TNFRSF13B: variants seen among roughly 807,000 people sequenced by gnomAD.
TNFRSF13B encodes the protein TNF receptor superfamily member 13B.
A neutral mutation model predicts 24.0 loss-of-function variants in TNFRSF13B; 34 were observed. The ratio of observed to expected loss-of-function variants is 1.41; its 90% confidence interval spans 1.08 to 1.88. TNFRSF13B has a LOEUF of 1.88. Among genes scored for constraint, TNFRSF13B ranks in the 40% most tolerant of loss-of-function variants. The pLI is 0.00. For synonymous variants in TNFRSF13B, 173 were observed against 150.3 expected (o/e 1.15, Z -1.10); for missense variants, 415 against 380.8 (o/e 1.09, Z -0.75).
chr17:16,955,801 A>G (rs1465020358), intron 1 of TNFRSF13B, among the ~76,000 whole-genome samples: 1 of 152,240 alleles, frequency 6.6e-6, no homozygotes, highest in Non-Finnish European at 1.5e-5. Flanking sequence ...CTATTTGGGA[A>G]CTGTGGAGTT....
At chr17:16,963,966 G>A (rs2087681583) in intron 1 of TNFRSF13B, among the ~76,000 whole-genome samples, 1 of 152,182 alleles carries the variant, frequency 6.6e-6, no homozygotes, top group East Asian at 1.9e-4. Context: ...GATAGGGTGT[G>A]TGCCCCGATA....
chr17:16,954,874 C>T (rs1253982166), intron 1 of TNFRSF13B, among the ~76,000 whole-genome samples: 2 of 152,198 alleles, frequency 1.3e-5, no homozygotes, highest in African/African-American at 4.8e-5. Flanking sequence ...TCCTTCCTGG[C>T]AACAGGGGAA....
chr17:16,946,449 T>C (rs913177087), intron 3 of TNFRSF13B, among the ~76,000 whole-genome samples: 1 of 152,212 alleles, frequency 6.6e-6, no homozygotes, highest in Non-Finnish European at 1.5e-5. Flanking sequence ...AATTAGATCA[T>C]TTCTGATGCC....
intron 1 of TNFRSF13B, 107 bp from the exon 2 acceptor site, chr17:16,952,690 C>G: frequency 6.5e-7 from 1 of 1,534,706 alleles, no homozygotes; most frequent in Non-Finnish European, 8.9e-7. Flanking sequence ...CACAGACAAC[C>G]TTTCTGTCTG....
chr17:16,947,196 A>G (rs903816987), intron 3 of TNFRSF13B, among the ~76,000 whole-genome samples: 10 of 152,258 alleles, frequency 6.6e-5, no homozygotes, highest in African/African-American at 1.9e-4. Flanking sequence ...CCTGAGGAAC[A>G]TAGATGCAAG....
chr17:16,946,123 G>A (rs948448849), intron 3 of TNFRSF13B, among the ~76,000 whole-genome samples: 2 of 152,238 alleles, frequency 1.3e-5, no homozygotes, highest in Admixed American at 6.5e-5. Context: ...TTAGGCAGCA[G>A]CAGCTAACTG....
intron 1 of TNFRSF13B, among the ~76,000 whole-genome samples, chr17:16,968,996 A>T (rs1218389953): frequency 6.6e-6 from 1 of 152,256 alleles, no homozygotes; most frequent in East Asian, 1.9e-4. Flanking sequence ...AACCACAGTG[A>T]GATACCACCT....
chr17:16,939,846 G>A, intron 4 of TNFRSF13B, 49 bp from the exon 5 acceptor site: 1 of 1,576,670 alleles, frequency 6.3e-7, no homozygotes, highest in Non-Finnish European at 8.6e-7. Flanking sequence ...CCCTGCACTA[G>A]GGTAGGGGTG....
At chr17:16,967,172 A>G (rs879415857) in intron 1 of TNFRSF13B, among the ~76,000 whole-genome samples, 8 of 152,028 alleles carry the variant, frequency 5.3e-5, no homozygotes, top group Non-Finnish European at 1.2e-4. Flanking sequence ...CAGAAGATTA[A>G]AAGTAACCCA....
chr17:16,953,720 C>T (rs1303855513), intron 1 of TNFRSF13B, among the ~76,000 whole-genome samples: 1 of 152,196 alleles, frequency 6.6e-6, no homozygotes, highest in African/African-American at 2.4e-5. Flanking sequence ...TTGCTTCCCC[C>T]AATAACTTCT....
chr17:16,969,178 A>G (rs2087726389), intron 1 of TNFRSF13B, among the ~76,000 whole-genome samples: 2 of 152,260 alleles, frequency 1.3e-5, no homozygotes, highest in Admixed American at 1.3e-4. Flanking sequence ...CATATGACCC[A>G]GCAATTCCAC....
chr17:16,939,443 C>T lies in TNFRSF13B; in HGVS notation c.*104G>A. 7.4e-7 allele frequency: 1 copy of T among 1,360,126 alleles called. No individual in the cohort carries two copies. The highest frequency in any genetic ancestry group is 9.9e-7 in the Non-Finnish European group (1 of 1,005,550). The allele number at this position is 1,360,126 out of a possible 1,614,324, so 84.3% of individuals were successfully genotyped here. On this transcript the variant is annotated 3_prime_UTR_variant, in exon 5 of 5. Transcript: ENST00000261652. Reference sequence around the variant, plus strand: ...CTCTGTTTCTCTCCCTCTCTGCCTCCTCTGTCTCTCTCTCCTCATATCTCT... The same window carrying T: ...CTCTGTTTCTCTCCCTCTCTGCCTCTTCTGTCTCTCTCTCCTCATATCTCT...
chr17:16,948,652 G>T, intron 3 of TNFRSF13B, 86 bp downstream of exon 3: 2 of 1,590,636 alleles, frequency 1.3e-6, no homozygotes, highest in Non-Finnish European at 1.7e-6. Flanking sequence ...ATGCATTGTG[G>T]ACTCTCCTGT....
At chr17:16,942,321 G>A (rs1041979883) in intron 3 of TNFRSF13B, among the ~76,000 whole-genome samples, 1 of 152,182 alleles carries the variant, frequency 6.6e-6, no homozygotes, top group Non-Finnish European at 1.5e-5. Flanking sequence ...GGGCCACACA[G>A]CGGCCCCAGG....
intron 1 of TNFRSF13B, among the ~76,000 whole-genome samples, chr17:16,967,750 T>TTAAAAAAA (rs1567657162): frequency 0.012 from 240 of 19,350 alleles, 6 homozygotes; most frequent in African/African-American, 0.062. Flanking sequence ...AGACTCCGTC[T>TTAAAAAAA]CAAAAAAAAA....
At position 16,939,723 on chromosome 17, in the gene TNFRSF13B, C is replaced by A. The variant is rs201021960; in HGVS notation, c.706G>T (p.Glu236Ter). The stretch of plus-strand genomic sequence containing the variant: ...CTCTCCTGCGTGGGCGCCCTGCACT[C>A]AGGGAAGCAGAAGCTGCAGGTCTCC... The part of the protein sequence containing the change: ...PVETCSFCFP[E>*]CRAPTQESAV... The change falls in exon 5 of 5, where the codon GAG (glutamate) becomes TAG (stop). Residue 236 changes from glutamate (E) to a stop codon, truncating the protein, a stop_gained. Coordinates refer to ENST00000261652, the MANE Select transcript of TNFRSF13B (RefSeq NM_012452.3). LOFTEE classifies it low-confidence loss of function (END_TRUNC). 7.2e-5 allele frequency: 116 copies of A among 1,605,816 alleles called. No individual in the cohort carries two copies. The highest frequency in any genetic ancestry group is 3.0e-5 in the Non-Finnish European group (35 of 1,174,726).
intron 1 of TNFRSF13B, among the ~76,000 whole-genome samples, chr17:16,960,565 A>C (rs1317164952): frequency 6.6e-6 from 1 of 152,234 alleles, no homozygotes; most frequent in African/African-American, 2.4e-5. Flanking sequence ...ATTCACATGC[A>C]AGAGAATGAA....
intron 1 of TNFRSF13B, among the ~76,000 whole-genome samples, chr17:16,952,813 T>C (rs961777407): frequency 6.6e-6 from 1 of 152,192 alleles, no homozygotes; most frequent in African/African-American, 2.4e-5. Context: ...ACATGGTTGT[T>C]TTCAGGCCCC....
In TNFRSF13B at chr17:16,955,777, A is replaced by C. The variant is rs562687393; in HGVS notation, c.62-3194T>G. The stretch of plus-strand genomic sequence containing the variant: ...CTAAATGACTACGGAGCTGCCAGCC[A>C]CTGTCTGAAGTCACTATTTGGGAAC... On this transcript the variant is annotated intron_variant, in intron 1 of 4. Transcript: ENST00000261652. Among the ~76,000 whole-genome samples the C allele has an allele frequency of 6.6e-5, 10 of 152,174 alleles. No individual in the cohort carries two copies. In the East Asian group the frequency reaches 1.9e-3, roughly 29 times the overall value.
Sources: allele counts gnomAD v4.1 joint callset (sites outside exome capture counted in the v4.1 genomes callset), GRCh38; gene constraint gnomAD v4.1.1; transcripts MANE v1.5; gene names NCBI Gene and HGNC (gene_info 2026-07-23, HGNC 2026-07-21).